Variants in GOLGB1 observed in about 807,000 individuals in gnomAD.
GOLGB1 encodes golgin B1, also known as golgin subfamily B member 1.
GOLGB1 carries 174 observed loss-of-function variants against 336.9 expected under a neutral mutation model. That is an observed-to-expected ratio of 0.52 (90% CI 0.46 to 0.59). The LOEUF (loss-of-function observed/expected upper bound fraction) is 0.59. Ranked by LOEUF, GOLGB1 falls within the 20% of genes least tolerant of loss-of-function variation. The pLI, the probability that GOLGB1 is intolerant of heterozygous loss-of-function variation, is 0.00. For synonymous variants in GOLGB1, 1,208 were observed against 1,289.2 expected (o/e 0.94, Z 1.35); for missense variants, 3,331 against 3,645.3 (o/e 0.91, Z 2.22).
intron 10 of GOLGB1, among the ~76,000 whole-genome samples, chr3:121,712,630 T>C (rs1450865252): frequency 3.3e-5 from 5 of 152,092 alleles, no homozygotes; most frequent in Admixed American, 3.3e-4. Flanking sequence ...AACTCAAATT[T>C]AAGAATGGGG....
At chr3:121,717,245 T>G in intron 8 of GOLGB1, 106 bp from the exon 9 acceptor site, 1 of 847,582 alleles carries the variant, frequency 1.2e-6, no homozygotes, top group Admixed American at 2.9e-5. Context: ...GGAACATGTT[T>G]CTATGCTAGA....
At chr3:121,727,320 AT>A (rs869189384) in intron 4 of GOLGB1, among the ~76,000 whole-genome samples, 482 of 27,878 alleles carry the variant, frequency 0.017, 3 homozygotes, top group Non-Finnish European at 0.021. Flanking sequence ...ATATATATAT[AT>A]TTTTTTTTTT....
intron 1 of GOLGB1, among the ~76,000 whole-genome samples, chr3:121,747,307 ATATATG>A (rs1947394074): frequency 7.0e-6 from 1 of 143,738 alleles, no homozygotes; most frequent in South Asian, 2.2e-4. Flanking sequence ...GTATATATGT[ATATATG>A]TATATATGTG....
chr3:121,695,294 A>G lies in GOLGB1; in HGVS notation c.5229T>C (p.Leu1743=), dbSNP rs1560229342. Residue 1743 remains leucine, a synonymous_variant, in exon 13 of 22, where the codon CTT becomes CTC. Coordinates refer to ENST00000614479, the MANE Select transcript of GOLGB1 (RefSeq NM_001366282.2). ...LERVKMEYET[L]SKKFQSLMSE... is the part of the protein sequence containing the mutation. ...ACATTAAAGACTGAAACTTCTTAGA[A>G]AGGGTTTCATACTCCATTTTGACCC... The G allele has an allele frequency of 4.3e-6, 7 of 1,613,904 alleles. No individual in the cohort carries two copies. Among genetic ancestry groups the G allele is most frequent in the Middle Eastern group, 1.7e-4 (1 of 6,058 alleles).
chr3:121,716,905 T>G lies in GOLGB1; in HGVS notation c.1120A>C (p.Lys374Gln). The G allele has an allele frequency of 6.2e-7, 1 of 1,613,800 alleles. No homozygotes were observed. Among genetic ancestry groups the G allele is most frequent in the South Asian group, 1.1e-5 (1 of 91,082 alleles). Residue 374 changes from lysine (K) to glutamine (Q), a missense_variant, in exon 9 of 22, where the codon AAG becomes CAG. Coordinates refer to ENST00000614479, the MANE Select transcript of GOLGB1 (RefSeq NM_001366282.2). ...TTCTCTTCCATTTCTGCTTTGTGCTTCTGCTCCAAAGCACTATACCGAGAC... is the reference window on the plus strand; with the variant it reads ...TTCTCTTCCATTTCTGCTTTGTGCTGCTGCTCCAAAGCACTATACCGAGAC... ...LESRYSALEQ[K>Q]HKAEMEEKTS... is the part of the protein sequence containing the mutation.
chr3:121,692,286 T>G lies in GOLGB1; in HGVS notation c.7078A>C (p.Ser2360Arg), dbSNP rs1459860106. ...AGATCAGTCTCCAGTTGTTCATAAC[T>G]GAACTTAGAATTTTGAATATCAGCC... ...QEADIQNSKF[S>R]YEQLETDLQA... Residue 2360 changes from serine (S) to arginine (R), a missense_variant, in exon 14 of 22, where the codon AGT becomes CGT. Ser to Arg is a moderately radical substitution (Grantham distance 110, BLOSUM62 -1). Coordinates refer to ENST00000614479, the MANE Select transcript of GOLGB1 (RefSeq NM_001366282.2). 6.2e-7 allele frequency: 1 copy of G among 1,611,564 alleles called. No individual in the cohort carries two copies. Among genetic ancestry groups the G allele is most frequent in the Admixed American group, 1.7e-5 (1 of 59,402 alleles).
At chr3:121,738,064 T>C (rs1026958803) in intron 1 of GOLGB1, among the ~76,000 whole-genome samples, 3 of 152,232 alleles carry the variant, frequency 2.0e-5, no homozygotes, top group African/African-American at 7.2e-5. Context: ...GTATACAGAT[T>C]CTAAACTTTC....
intron 1 of GOLGB1, among the ~76,000 whole-genome samples, chr3:121,748,003 A>G (rs1947486428): frequency 6.6e-6 from 1 of 152,084 alleles, no homozygotes; most frequent in Non-Finnish European, 1.5e-5. Flanking sequence ...TGAATGATTT[A>G]TTTTATAAAC....
chr3:121,679,597 C>G (rs1940828866), intron 15 of GOLGB1, among the ~76,000 whole-genome samples: 1 of 152,138 alleles, frequency 6.6e-6, no homozygotes. Context: ...ATACTCCAGG[C>G]AAACAACATG....
intron 10 of GOLGB1, among the ~76,000 whole-genome samples, chr3:121,709,067 C>A (rs566352485): frequency 6.6e-6 from 1 of 151,936 alleles, no homozygotes; most frequent in Non-Finnish European, 1.5e-5. Flanking sequence ...ATGCCAGATA[C>A]AGAGAAATGT....
intron 10 of GOLGB1, among the ~76,000 whole-genome samples, chr3:121,704,390 T>C (rs1943644358): frequency 6.6e-6 from 1 of 152,152 alleles, no homozygotes; most frequent in Admixed American, 6.5e-5. Flanking sequence ...GGAAAAATGA[T>C]ACTTTACATA....
intron 11 of GOLGB1, 113 bp downstream of exon 11, chr3:121,702,368 A>C: frequency 2.3e-6 from 1 of 430,198 alleles, no homozygotes; most frequent in Non-Finnish European, 4.2e-6. Context: ...TATTATCTAA[A>C]TCTTTATTAT....
intron 2 of GOLGB1, 130 bp from the exon 3 acceptor site, chr3:121,730,147 T>A (rs1945978120): frequency 1.6e-6 from 1 of 608,174 alleles, no homozygotes; most frequent in Non-Finnish European, 2.9e-6. Flanking sequence ...CTAACTCTGA[T>A]CCAATAATAA....
chr3:121,684,489 A>G (rs1259845992), intron 14 of GOLGB1, among the ~76,000 whole-genome samples: 1 of 152,070 alleles, frequency 6.6e-6, no homozygotes, highest in Non-Finnish European at 1.5e-5. Flanking sequence ...ACCTATACCA[A>G]ATTATACTAT....
chr3:121,689,647 T>TAA (rs1560207002), intron 14 of GOLGB1, among the ~76,000 whole-genome samples: 3 of 114,454 alleles, frequency 2.6e-5, no homozygotes, highest in African/African-American at 9.9e-5. Flanking sequence ...GAATGATCAA[T>TAA]TAAAAAAAAA....
Position 121,697,516 on chromosome 3 carries a change from C to T in GOLGB1, c.3007G>A (p.Ala1003Thr), listed in dbSNP as rs1576355523. The change falls in exon 13 of 22, where the codon GCT (alanine) becomes ACT (threonine). Residue 1003 changes from alanine (A) to threonine (T), a missense_variant. By Grantham distance (58) the Ala-to-Thr change is moderately conservative. Coordinates refer to ENST00000614479, the MANE Select transcript of GOLGB1 (RefSeq NM_001366282.2). ...NEQRKRKLQAALINRKELLQR... is the reference protein window; with the variant it reads ...NEQRKRKLQATLINRKELLQR... ...AGAAGCTCCTTTCTGTTAATAAGAG[C>T]TGCCTGGAGCTTTCTCTTTCTCTGC... 1.2e-6 allele frequency: 2 copies of T among 1,613,448 alleles called. No individual in the cohort carries two copies. The highest frequency in any genetic ancestry group is 1.7e-6 in the Non-Finnish European group (2 of 1,179,878).
chr3:121,704,914 A>C (rs1943689755), intron 10 of GOLGB1, among the ~76,000 whole-genome samples: 1 of 152,164 alleles, frequency 6.6e-6, no homozygotes, highest in Non-Finnish European at 1.5e-5. Flanking sequence ...ATTTTTTCAC[A>C]GACAGACCTA....
chr3:121,665,157 C>G, intron 20 of GOLGB1, 126 bp from the exon 21 acceptor site: 1 of 627,918 alleles, frequency 1.6e-6, no homozygotes, highest in Non-Finnish European at 2.9e-6. Flanking sequence ...AAGCTGCTCC[C>G]ATAAACCCAA....
At position 121,691,058 on chromosome 3, in the gene GOLGB1, C is replaced by T; in HGVS notation, c.8306G>A (p.Ser2769Asn). Residue 2769 changes from serine to asparagine, a missense_variant, in exon 14 of 22, where the codon AGT (serine) becomes AAT (asparagine). Transcript: ENST00000614479. ...TTTCAACTGTGCCAATTCCTTCAGA[C>T]TGGCATCATATTTCCTTTTCAGTTC... ...LDELKRKYDA[S>N]LKELAQLKEQ... The T allele has an allele frequency of 6.2e-7, 1 of 1,613,708 alleles. No individual in the cohort carries two copies. The highest frequency in any genetic ancestry group is 1.7e-5 in the Admixed American group (1 of 60,024).
Sources: allele counts gnomAD v4.1 joint callset (sites outside exome capture counted in the v4.1 genomes callset), GRCh38; gene constraint gnomAD v4.1.1; transcripts MANE v1.5; gene names NCBI Gene and HGNC (gene_info 2026-07-23, HGNC 2026-07-21).